The following IL1RAPL1 variants were observed in gnomAD, a reference collection of about 807,000 sequenced individuals.
IL1RAPL1 encodes the protein interleukin 1 receptor accessory protein like 1.
Under a neutral mutation model 48.4 loss-of-function variants are expected in IL1RAPL1, and 3 were observed. The observed-to-expected ratio is 0.06, with a 90% CI of 0.03 to 0.16. The LOEUF (loss-of-function observed/expected upper bound fraction) is 0.16. IL1RAPL1 is among the 10% of genes least tolerant of loss of function. The probability of loss-of-function intolerance (pLI) is 1.00; values close to 1 mark genes in which losing one functional copy is unlikely to be tolerated. For missense variants in IL1RAPL1, 349 were observed against 530.6 expected, an observed-to-expected ratio of 0.66 and a Z score of 3.36; for synonymous variants, 185 against 187.7, an observed-to-expected ratio of 0.99 and a Z score of 0.12.
Position 29,830,137 on chromosome X carries a change from T to C in IL1RAPL1, c.779-87327T>C, listed in dbSNP as rs182228561. 8.4e-3 allele frequency among the ~76,000 whole-genome samples: 943 copies of C among 112,053 alleles called. 5 individuals carry two copies. Among genetic ancestry groups the C allele is most frequent in the African/African-American group, 0.029 (885 of 30,906 alleles). ...TAATATGTCCCTGTACCCTTGCATA[T>C]TTTTCATAACCTCTTATACATTAGC... On this transcript the variant is annotated intron_variant, in intron 6 of 10. Transcript: ENST00000378993.
chrX:28,937,763 A>G (rs1348300493), intron 2 of IL1RAPL1, among the ~76,000 whole-genome samples: 1 of 111,601 alleles, frequency 9.0e-6, no homozygotes, highest in Non-Finnish European at 1.9e-5. Context: ...ATGATTCTAT[A>G]TCTAGAAAAC....
chrX:29,295,329 T>A (rs1932433600), intron 3 of IL1RAPL1, among the ~76,000 whole-genome samples: 1 of 111,862 alleles, frequency 8.9e-6, no homozygotes, highest in African/African-American at 3.2e-5. Flanking sequence ...CAGGGAAACA[T>A]GTAAATAAAG....
At chrX:28,848,001 C>T (rs1223163834) in intron 2 of IL1RAPL1, among the ~76,000 whole-genome samples, 1 of 111,656 alleles carries the variant, frequency 9.0e-6, no homozygotes, top group African/African-American at 3.3e-5. Context: ...AGAACGAGTT[C>T]ACGTCCTTTG....
intron 2 of IL1RAPL1, among the ~76,000 whole-genome samples, chrX:28,836,895 GTA>G (rs1921234595): frequency 9.2e-6 from 1 of 109,280 alleles, no homozygotes; most frequent in Admixed American, 9.9e-5. Context: ...CTGAATGACA[GTA>G]TGTTACTCAA....
At chrX:28,750,401 T>C (rs750311844) in intron 1 of IL1RAPL1, among the ~76,000 whole-genome samples, 1 of 112,029 alleles carries the variant, frequency 8.9e-6, no homozygotes, top group African/African-American at 3.2e-5. Context: ...CTAAAATGAC[T>C]GAATTAGTCA....
intron 2 of IL1RAPL1, among the ~76,000 whole-genome samples, chrX:29,192,080 C>G (rs749575076): frequency 2.3e-4 from 26 of 111,396 alleles, no homozygotes; most frequent in Non-Finnish European, 5.6e-5. Context: ...CTCCACAAAC[C>G]GAAGGGTGAA....
chrX:29,624,740 G>A (rs1034618964), intron 5 of IL1RAPL1, among the ~76,000 whole-genome samples: 4 of 110,737 alleles, frequency 3.6e-5, no homozygotes, highest in African/African-American at 1.3e-4. Flanking sequence ...CAGCTGCTAG[G>A]GAGGTTGAGG....
intron 2 of IL1RAPL1, among the ~76,000 whole-genome samples, chrX:28,843,908 G>A (rs1921440435): frequency 1.8e-5 from 2 of 110,390 alleles, no homozygotes; most frequent in South Asian, 3.9e-4. Context: ...GTCAGGCAGT[G>A]TGTATTGGGA....
intron 2 of IL1RAPL1, among the ~76,000 whole-genome samples, chrX:28,978,036 T>C (rs1021214291): frequency 1.8e-5 from 2 of 111,977 alleles, no homozygotes; most frequent in African/African-American, 6.5e-5. Context: ...AACAAAGAAA[T>C]GGAGCTGAAA....
chrX:29,029,615 T>A (rs1250151563), intron 2 of IL1RAPL1, among the ~76,000 whole-genome samples: 1 of 112,153 alleles, frequency 8.9e-6, no homozygotes, highest in Non-Finnish European at 1.9e-5. Context: ...GTCTTGCTGA[T>A]GTCCATCTTT....
intron 1 of IL1RAPL1, among the ~76,000 whole-genome samples, chrX:28,648,484 C>T (rs1283556161): frequency 9.0e-6 from 1 of 111,351 alleles, no homozygotes; most frequent in African/African-American, 3.3e-5. Flanking sequence ...AATGTTGACT[C>T]TCTAAATATT....
intron 5 of IL1RAPL1, among the ~76,000 whole-genome samples, chrX:29,588,775 A>C: frequency 8.9e-6 from 1 of 112,211 alleles, no homozygotes; most frequent in East Asian, 2.8e-4. Flanking sequence ...AATAGTCAGA[A>C]GTTGTTGATG....
chrX:28,928,517 C>A (rs1337882583), intron 2 of IL1RAPL1, among the ~76,000 whole-genome samples: 1 of 111,951 alleles, frequency 8.9e-6, no homozygotes, highest in Non-Finnish European at 1.9e-5. Context: ...TTTTACCCCA[C>A]GTCATTCCCT....
At chrX:29,674,298 C>T (rs1052861592) in intron 6 of IL1RAPL1, among the ~76,000 whole-genome samples, 14 of 111,174 alleles carry the variant, frequency 1.3e-4, no homozygotes, top group African/African-American at 3.9e-4. Context: ...TGTTGGCATG[C>T]GCCTGTAGTC....
At chrX:29,596,282 T>A (rs1226204162) in intron 5 of IL1RAPL1, among the ~76,000 whole-genome samples, 1 of 112,018 alleles carries the variant, frequency 8.9e-6, no homozygotes, top group Admixed American at 9.5e-5. Context: ...TGTTGGAATT[T>A]TGATGGAAAT....
chrX:28,987,582 C>G (rs887554416), intron 2 of IL1RAPL1, among the ~76,000 whole-genome samples: 2 of 111,762 alleles, frequency 1.8e-5, no homozygotes, highest in African/African-American at 6.5e-5. Context: ...AATTACTAAA[C>G]TCACATACTG....
At chrX:29,883,484 A>G (rs769900642) in intron 6 of IL1RAPL1, among the ~76,000 whole-genome samples, 21 of 111,943 alleles carry the variant, frequency 1.9e-4, no homozygotes, top group African/African-American at 5.9e-4. Flanking sequence ...TTATAAAAAA[A>G]CATACAAATT....
At chrX:29,383,783 A>G (rs1391667039) in intron 3 of IL1RAPL1, among the ~76,000 whole-genome samples, 1 of 111,961 alleles carries the variant, frequency 8.9e-6, no homozygotes, top group Admixed American at 9.5e-5. Flanking sequence ...CAACTGTGAA[A>G]TGTGTCCAAA....
chrX:29,671,847 C>T (rs1322347643), intron 6 of IL1RAPL1, among the ~76,000 whole-genome samples: 3 of 111,995 alleles, frequency 2.7e-5, no homozygotes, highest in Non-Finnish European at 5.6e-5. Flanking sequence ...TCCACCCTAC[C>T]CTTGACCTAA....
Sources: allele counts gnomAD v4.1 joint callset (sites outside exome capture counted in the v4.1 genomes callset), GRCh38; gene constraint gnomAD v4.1.1; transcripts MANE v1.5; gene names NCBI Gene and HGNC (gene_info 2026-07-23, HGNC 2026-07-21).